Variants in MALRD1 observed in about 807,000 individuals in gnomAD.
MALRD1 encodes the protein MAM and LDL-receptor class A domain-containing protein 1.
In MALRD1, 247 loss-of-function variants were observed where a neutral mutation model predicts 242.1. That is an observed-to-expected ratio of 1.02 (90% confidence interval 0.92 to 1.13). The LOEUF is 1.13. MALRD1 is among the 50% of genes most tolerant of loss of function. The pLI, the probability that MALRD1 is intolerant of heterozygous loss-of-function variation, is 0.00. For missense variants in MALRD1, 2,989 were observed against 2,533.1 expected (o/e 1.18, Z -3.86); for synonymous variants, 995 against 866.6 (o/e 1.15, Z -2.60).
intron 4 of MALRD1, among the ~76,000 whole-genome samples, chr10:19,102,111 T>C (rs112357383): frequency 2.7e-5 from 4 of 145,860 alleles, no homozygotes; most frequent in African/African-American, 9.9e-5. Context: ...ATATATGATA[T>C]ATGATATAAA....
At chr10:19,430,196 G>A (rs758142924) in intron 28 of MALRD1, among the ~76,000 whole-genome samples, 4 of 132,394 alleles carry the variant, frequency 3.0e-5, no homozygotes, top group Admixed American at 9.0e-5. Flanking sequence ...CTCACTGCAA[G>A]CTTTGCCTCC....
intron 29 of MALRD1, among the ~76,000 whole-genome samples, chr10:19,468,285 G>C (rs1836323706): frequency 1.3e-5 from 2 of 152,140 alleles, no homozygotes; most frequent in Admixed American, 1.3e-4. Context: ...TTGACTGGGT[G>C]ATGCTTTTAT....
intron 22 of MALRD1, among the ~76,000 whole-genome samples, chr10:19,324,351 C>G (rs1843028650): frequency 6.6e-6 from 1 of 152,080 alleles, no homozygotes. Flanking sequence ...CTGGGTAATA[C>G]TATTTTACAC....
intron 36 of MALRD1, among the ~76,000 whole-genome samples, chr10:19,627,978 C>T (rs1452338863): frequency 6.6e-6 from 1 of 151,298 alleles, no homozygotes; most frequent in Non-Finnish European, 1.5e-5. Flanking sequence ...AATTATGTAA[C>T]AGATAAACTA....
chr10:19,641,166 A>C (rs945516841), intron 36 of MALRD1, among the ~76,000 whole-genome samples: 1 of 152,186 alleles, frequency 6.6e-6, no homozygotes, highest in Non-Finnish European at 1.5e-5. Flanking sequence ...AGGACAGCAA[A>C]TATGGTAGGA....
intron 12 of MALRD1, among the ~76,000 whole-genome samples, chr10:19,156,449 A>C (rs1411286750): frequency 6.9e-6 from 1 of 144,966 alleles, no homozygotes; most frequent in Non-Finnish European, 1.5e-5. Context: ...AAAGAGAAAG[A>C]TAGATATAGA....
chr10:19,322,594 A>T (rs1842950516), intron 21 of MALRD1, among the ~76,000 whole-genome samples: 1 of 152,132 alleles, frequency 6.6e-6, no homozygotes, highest in South Asian at 2.1e-4. Context: ...ATCTGCCTTA[A>T]ATTGACCATC....
intron 28 of MALRD1, 52 bp downstream of exon 28, chr10:19,389,661 A>G (rs995008120): frequency 4.0e-6 from 6 of 1,515,940 alleles, no homozygotes; most frequent in Admixed American, 4.1e-5. Context: ...TGTTTTAGAG[A>G]CAGGGTCTTG....
intron 18 of MALRD1, among the ~76,000 whole-genome samples, chr10:19,231,051 C>T (rs147932921): frequency 6.6e-6 from 1 of 152,184 alleles, no homozygotes; most frequent in East Asian, 1.9e-4. Flanking sequence ...GCAAATCATG[C>T]CTCTCAGCTG....
intron 31 of MALRD1, among the ~76,000 whole-genome samples, chr10:19,506,038 A>C (rs979609193): frequency 6.6e-6 from 1 of 152,126 alleles, no homozygotes; most frequent in Non-Finnish European, 1.5e-5. Flanking sequence ...ATTTTTAAGA[A>C]TTCTGCGTGG....
At chr10:19,175,710 A>G (rs750900573) in intron 14 of MALRD1, among the ~76,000 whole-genome samples, 8 of 151,970 alleles carry the variant, frequency 5.3e-5, no homozygotes, top group Non-Finnish European at 2.9e-5. Context: ...ATATTTCAGG[A>G]TCACCCAGGA....
chr10:19,049,011 G>A lies in MALRD1; in HGVS notation c.73G>A (p.Val25Ile), dbSNP rs1446871870. The change falls in exon 1 of 40, where the codon GTT becomes ATT. Residue 25 changes from valine to isoleucine, a missense_variant. Coordinates refer to ENST00000454679, the MANE Select transcript of MALRD1 (RefSeq NM_001142308.3). ...TTTTTGTTGCCTTTGGATTGCCTGT[G>A]TTTTCAATTCTACACTGGCTCAGCA... Reference protein sequence around the residue: ...ETFCCLWIACVFNSTLAQQGT... With the variant: ...ETFCCLWIACIFNSTLAQQGT... 8.1e-7 allele frequency: 1 copy of A among 1,233,796 alleles called. No homozygotes were observed. Among genetic ancestry groups the A allele is most frequent in the Non-Finnish European group, 1.0e-6 (1 of 988,154 alleles). 76.4% of individuals were successfully genotyped at this position (1,233,796 alleles called of 1,614,324 possible).
At chr10:19,638,389 C>G (rs965184976) in intron 36 of MALRD1, among the ~76,000 whole-genome samples, 3 of 152,012 alleles carry the variant, frequency 2.0e-5, no homozygotes, top group African/African-American at 7.2e-5. Flanking sequence ...GACAGACACT[C>G]TATTAGTCAT....
At chr10:19,726,241 T>C (rs1413911125) in intron 38 of MALRD1, among the ~76,000 whole-genome samples, 1 of 151,996 alleles carries the variant, frequency 6.6e-6, no homozygotes, top group African/African-American at 2.4e-5. Flanking sequence ...TAAAAATCCA[T>C]ACAACTTAAG....
At chr10:19,729,814 G>A (rs998678132) in intron 38 of MALRD1, among the ~76,000 whole-genome samples, 1 of 120,828 alleles carries the variant, frequency 8.3e-6, no homozygotes, top group Non-Finnish European at 1.6e-5. Context: ...TCGGCTCACT[G>A]CAAGCTCCGC....
rs1834623718 is a variant in MALRD1, at chr10:19,719,244, A to ATATATATATG, written c.6315-11453_6315-11452insGTATATATAT. On this transcript the variant is annotated intron_variant, in intron 38 of 39. Coordinates refer to ENST00000454679, the MANE Select transcript of MALRD1 (RefSeq NM_001142308.3). ...CATACATATATATATATATATATAT[A>ATATATATATG]TATATATATATATATGCTATCAAAT... Among the ~76,000 whole-genome samples, 445 of 96,920 alleles carry ATATATATATG rather than the reference A, an allele frequency of 4.6e-3. 13 individuals carry two copies. Among genetic ancestry groups the ATATATATATG allele is most frequent in the South Asian group, 0.019 (58 of 3,036 alleles). The allele number at this position is 96,920 out of a possible 152,430, so 63.6% of individuals were successfully genotyped here.
At chr10:19,151,025 T>C (rs1833928064) in intron 11 of MALRD1, among the ~76,000 whole-genome samples, 1 of 152,206 alleles carries the variant, frequency 6.6e-6, no homozygotes, top group South Asian at 2.1e-4. Context: ...TCATTTACCC[T>C]AAAACTTTAG....
intron 36 of MALRD1, among the ~76,000 whole-genome samples, chr10:19,658,949 G>A (rs565745799): frequency 6.0e-4 from 92 of 152,214 alleles, no homozygotes; most frequent in African/African-American, 2.0e-3. Context: ...TGAGCCAGAC[G>A]TTTACTTTGG....
At chr10:19,264,616 G>A (rs888025407) in intron 19 of MALRD1, among the ~76,000 whole-genome samples, 6 of 151,946 alleles carry the variant, frequency 3.9e-5, no homozygotes, top group African/African-American at 1.4e-4. Flanking sequence ...ACCATGCCCA[G>A]CTAATTTTTT....
Sources: gnomAD v4.1 joint callset for allele counts (sites outside exome capture counted in the v4.1 genomes callset) on GRCh38, gnomAD v4.1.1 for gene constraint, MANE v1.5 for transcripts, NCBI Gene and HGNC (gene_info 2026-07-23, HGNC 2026-07-21) for gene names.